PDE1A: variants seen among roughly 807,000 people sequenced by gnomAD.
The protein encoded by PDE1A is dual specificity calcium/calmodulin-dependent 3',5'-cyclic nucleotide phosphodiesterase 1A.
PDE1A carries 35 observed loss-of-function variants against 61.7 expected under a neutral mutation model. The observed-to-expected ratio is 0.57, with a 90% CI of 0.43 to 0.75. PDE1A has a LOEUF of 0.75. Among genes scored for constraint, PDE1A ranks in the 30% least tolerant of loss-of-function variants. The pLI, the probability that PDE1A is intolerant of heterozygous loss-of-function variation, is 0.00. For missense variants in PDE1A, 597 were observed against 630.6 expected, an observed-to-expected ratio of 0.95 and a Z score of 0.57; for synonymous variants, 232 against 213.2, an observed-to-expected ratio of 1.09 and a Z score of -0.77.
the PDE1A span, among the ~76,000 whole-genome samples, chr2:182,670,097 T>C: frequency 6.6e-6 from 1 of 152,230 alleles, no homozygotes; most frequent in African/African-American, 2.4e-5. Flanking sequence ...AGATATCTTG[T>C]CCAGCCCACC....
intron 13 of PDE1A, among the ~76,000 whole-genome samples, chr2:182,172,046 A>C: frequency 6.6e-6 from 1 of 152,072 alleles, no homozygotes; most frequent in East Asian, 1.9e-4. Context: ...GCAAATGCAG[A>C]CATAAAACAT....
chr2:182,140,420 T>G (rs1333594790), exon 15 of PDE1A: 1 of 152,224 alleles, frequency 6.6e-6, no homozygotes, highest in Non-Finnish European at 1.5e-5. Context: ...TTTCCCCCAA[T>G]TTCTCCAACT....
chr2:182,336,125 G>A (rs1697792784), intron 1 of PDE1A, among the ~76,000 whole-genome samples: 1 of 152,084 alleles, frequency 6.6e-6, no homozygotes, highest in Admixed American at 6.6e-5. Context: ...AAAACACATG[G>A]TGAAGAGGAT....
chr2:182,392,574 C>T (rs1269168442), intron 1 of PDE1A, among the ~76,000 whole-genome samples: 6 of 150,250 alleles, frequency 4.0e-5, no homozygotes, highest in South Asian at 4.2e-4. Context: ...TCAGCATTAA[C>T]GCAAAAGTCC....
At chr2:182,476,963 G>A (rs142192044) in intron 2 of PDE1A, among the ~76,000 whole-genome samples, 142 of 150,160 alleles carry the variant, frequency 9.5e-4, no homozygotes, top group Middle Eastern at 3.6e-3. Context: ...CATTATACAT[G>A]ACACATTTTG....
chr2:182,319,948 A>C lies in PDE1A; in HGVS notation c.54-55534T>G, dbSNP rs1187947307. 7.2e-5 allele frequency among the ~76,000 whole-genome samples: 11 copies of C among 152,292 alleles called. No individual in the cohort carries two copies. In the East Asian group the frequency reaches 1.7e-3, roughly 24 times the overall value. The stretch of plus-strand genomic sequence containing the variant: ...CCATTTTCACATTTCATTCTTGTTT[A>C]GAGTAGCATAGACTATGTCAGTGGT... On this transcript the variant is annotated intron_variant, in intron 1 of 13. Transcript: ENST00000351439.
upstream of PDE1A, among the ~76,000 whole-genome samples, chr2:182,526,854 G>A (rs1055240246): frequency 6.6e-6 from 1 of 152,072 alleles, no homozygotes; most frequent in African/African-American, 2.4e-5. Context: ...TCACTAGTAA[G>A]AGTCACTAGA....
intron 2 of PDE1A, among the ~76,000 whole-genome samples, chr2:182,433,374 G>A (rs1376363933): frequency 1.3e-5 from 2 of 152,040 alleles, no homozygotes; most frequent in East Asian, 3.9e-4. Context: ...TTCTTTTGGG[G>A]GTTCTCTTTT....
intron 2 of PDE1A, among the ~76,000 whole-genome samples, chr2:182,259,830 T>C (rs1202653144): frequency 6.6e-6 from 1 of 152,238 alleles, no homozygotes; most frequent in African/African-American, 2.4e-5. Context: ...CCAAAAATGC[T>C]ACTTTGCTTG....
chr2:182,354,605 C>T (rs73975012), intron 1 of PDE1A, among the ~76,000 whole-genome samples: 8,337 of 152,100 alleles, frequency 0.055, 788 homozygotes, highest in African/African-American at 0.19. Context: ...CAGTGAAAAA[C>T]ATCTATGGCA....
the PDE1A span, among the ~76,000 whole-genome samples, chr2:182,615,619 C>T: frequency 1.1e-4 from 17 of 152,068 alleles, no homozygotes; most frequent in East Asian, 3.1e-3. Flanking sequence ...AACAGAATAC[C>T]TAAGACTGGG....
intron 2 of PDE1A, among the ~76,000 whole-genome samples, chr2:182,521,864 T>G (rs928605711): frequency 6.6e-6 from 1 of 152,134 alleles, no homozygotes; most frequent in African/African-American, 2.4e-5. Context: ...ATATTAATCA[T>G]CTCATTGCTT....
intron 2 of PDE1A, among the ~76,000 whole-genome samples, chr2:182,476,922 T>C (rs909516722): frequency 7.3e-5 from 11 of 150,846 alleles, no homozygotes; most frequent in South Asian, 6.3e-4. Context: ...CTGAGCTTCC[T>C]GGCAGCCAAA....
the PDE1A span, among the ~76,000 whole-genome samples, chr2:182,644,500 A>G: frequency 6.6e-6 from 1 of 152,138 alleles, no homozygotes; most frequent in Non-Finnish European, 1.5e-5. Context: ...ATTAGAAGGT[A>G]AGAATTATAA....
chr2:182,164,414 A>C (rs1691543138), downstream of PDE1A, among the ~76,000 whole-genome samples: 1 of 152,106 alleles, frequency 6.6e-6, no homozygotes, highest in African/African-American at 2.4e-5. Context: ...AAATTTGGGG[A>C]AGAGTTATGT....
intron 2 of PDE1A, among the ~76,000 whole-genome samples, chr2:182,517,266 C>T (rs746054106): frequency 7.2e-5 from 11 of 152,138 alleles, no homozygotes; most frequent in South Asian, 4.1e-4. Context: ...AGTAAGAATA[C>T]AAATATGTTA....
intron 13 of PDE1A, among the ~76,000 whole-genome samples, chr2:182,147,414 A>G (rs1414136664): frequency 6.6e-6 from 1 of 152,234 alleles, no homozygotes; most frequent in African/African-American, 2.4e-5. Flanking sequence ...TAGATGAAAC[A>G]TGTTTAAACA....
chr2:182,640,694 C>A, the PDE1A span, among the ~76,000 whole-genome samples: 42 of 151,886 alleles, frequency 2.8e-4, 1 homozygote, highest in African/African-American at 1.0e-3. Flanking sequence ...TGAAAGCAAC[C>A]ACTAGAAGGA....
intron 1 of PDE1A, among the ~76,000 whole-genome samples, chr2:182,299,066 A>T (rs1020956818): frequency 3.7e-4 from 57 of 152,042 alleles, no homozygotes; most frequent in Non-Finnish European, 1.0e-4. Context: ...ACACCATAGC[A>T]AATGTGTAGA....
Sources: gnomAD v4.1 joint callset for allele counts (sites outside exome capture counted in the v4.1 genomes callset) on GRCh38, gnomAD v4.1.1 for gene constraint, MANE v1.5 for transcripts, NCBI Gene and HGNC (gene_info 2026-07-23, HGNC 2026-07-21) for gene names.